The following LTBP1 variants were observed in gnomAD, a reference collection of about 807,000 sequenced individuals.
LTBP1 encodes the protein latent transforming growth factor beta binding protein 1, also known as latent-transforming growth factor beta-binding protein 1.
LTBP1 carries 129 observed loss-of-function variants against 207.6 expected under a neutral mutation model. The observed-to-expected ratio is 0.62, with a 90% CI of 0.54 to 0.72. The LOEUF (loss-of-function observed/expected upper bound fraction) is 0.72, where lower values mean the gene tolerates loss of function less well. LTBP1 is among the 30% of genes least tolerant of loss of function. LTBP1 has a pLI of 0.00. For synonymous variants in LTBP1, 963 were observed against 833.7 expected, an observed-to-expected ratio of 1.16 and a Z score of -2.67; for missense variants, 2,281 against 2,217.2, an observed-to-expected ratio of 1.03 and a Z score of -0.58.
Position 33,318,243 on chromosome 2 carries a change from G to A in LTBP1, c.3730+2974G>A, listed in dbSNP as rs560760282. Reference sequence around the variant, plus strand: ...TACTCTGGGATAGATAGCTGGGAGAGGAAGGAGAAACACCGTGGTTCTCCC... The same window carrying A: ...TACTCTGGGATAGATAGCTGGGAGAAGAAGGAGAAACACCGTGGTTCTCCC... On this transcript the variant is annotated intron_variant, in intron 24 of 33. Transcript: ENST00000404816. Among the ~76,000 whole-genome samples, 14 of 152,314 alleles carry A rather than the reference G, an allele frequency of 9.2e-5. No homozygotes were observed. The South Asian group carries it at 2.9e-3, about 32-fold the overall frequency.
chr2:32,999,121 T>C (rs1685722571), intron 2 of LTBP1, among the ~76,000 whole-genome samples: 1 of 152,200 alleles, frequency 6.6e-6, no homozygotes, highest in African/African-American at 2.4e-5. Context: ...AACCACTAGA[T>C]CCTTGTGATT....
At chr2:33,036,777 A>G (rs78193310) in intron 3 of LTBP1, among the ~76,000 whole-genome samples, 7 of 152,154 alleles carry the variant, frequency 4.6e-5, no homozygotes, top group African/African-American at 7.2e-5. Flanking sequence ...ACATTTTTCT[A>G]CAAGTCTTCT....
At chr2:33,187,949 G>C (rs74689864) in intron 6 of LTBP1, among the ~76,000 whole-genome samples, 7,174 of 152,172 alleles carry the variant, frequency 0.047, 561 homozygotes, top group East Asian at 0.36. Context: ...ATTAACATTT[G>C]ATAAAATTTA....
At chr2:33,252,494 C>G (rs887509628) in intron 10 of LTBP1, among the ~76,000 whole-genome samples, 183 bp from the exon 11 acceptor site, 2 of 152,304 alleles carry the variant, frequency 1.3e-5, no homozygotes, top group Middle Eastern at 3.4e-3. Context: ...TTTTGGTGCC[C>G]TGACTCTAAA....
intron 21 of LTBP1, 111 bp downstream of exon 21, chr2:33,300,684 A>C: frequency 2.7e-6 from 3 of 1,108,884 alleles, no homozygotes; most frequent in Non-Finnish European, 2.5e-6. Context: ...AGATAATTGC[A>C]TTATAGTGCC....
chr2:33,071,076 G>A (rs1436135021), intron 3 of LTBP1, among the ~76,000 whole-genome samples: 1 of 152,214 alleles, frequency 6.6e-6, no homozygotes, highest in Non-Finnish European at 1.5e-5. Flanking sequence ...GGTGGAGCTT[G>A]CAGAGTAAAG....
intron 24 of LTBP1, among the ~76,000 whole-genome samples, chr2:33,336,858 A>G (rs975365142): frequency 5.3e-5 from 8 of 152,252 alleles, no homozygotes; most frequent in African/African-American, 1.4e-4. Context: ...AAATCATTTT[A>G]CTAATGAAAT....
intron 18 of LTBP1, among the ~76,000 whole-genome samples, chr2:33,278,419 C>T (rs866833355): frequency 7.2e-5 from 11 of 152,142 alleles, no homozygotes; most frequent in Admixed American, 1.3e-4. Flanking sequence ...TAGAACCAAA[C>T]GTCCCCGGGC....
At chr2:33,081,553 T>C (rs376908649) in intron 3 of LTBP1, among the ~76,000 whole-genome samples, 69 of 152,236 alleles carry the variant, frequency 4.5e-4, no homozygotes, top group East Asian at 3.9e-3. Context: ...AATCTCGGGC[T>C]CTGTAATGTT....
intron 3 of LTBP1, among the ~76,000 whole-genome samples, chr2:33,089,603 A>T (rs992621057): frequency 7.9e-5 from 12 of 152,346 alleles, no homozygotes; most frequent in Middle Eastern, 3.4e-3. Context: ...AGTCACTCAT[A>T]AAGCTATATT....
At chr2:33,236,997 G>A (rs1452836796) in intron 9 of LTBP1, among the ~76,000 whole-genome samples, 1 of 152,178 alleles carries the variant, frequency 6.6e-6, no homozygotes, top group Non-Finnish European at 1.5e-5. Flanking sequence ...CCATCCTATG[G>A]TGGATGGTCA....
intron 7 of LTBP1, among the ~76,000 whole-genome samples, chr2:33,196,071 T>C (rs890083209): frequency 5.9e-5 from 9 of 152,232 alleles, no homozygotes; most frequent in Middle Eastern, 3.2e-3. Context: ...CAGTATAGTG[T>C]AAACATGACT....
chr2:33,346,337 A>C (rs1384844266), intron 25 of LTBP1, among the ~76,000 whole-genome samples: 1 of 152,188 alleles, frequency 6.6e-6, no homozygotes, highest in African/African-American at 2.4e-5. Flanking sequence ...TTTTAAGTGA[A>C]CTTAATTCTG....
intron 31 of LTBP1, among the ~76,000 whole-genome samples, chr2:33,378,634 C>A (rs908053118): frequency 1.3e-5 from 2 of 152,192 alleles, no homozygotes; most frequent in Non-Finnish European, 2.9e-5. Flanking sequence ...ATGAGTCTGA[C>A]TTTGAGAAAA....
chr2:33,338,750 T>G (rs961540183), intron 24 of LTBP1, among the ~76,000 whole-genome samples: 3 of 152,090 alleles, frequency 2.0e-5, no homozygotes, highest in Non-Finnish European at 4.4e-5. Context: ...GGCATGGAGA[T>G]TCCAGAGACG....
intron 24 of LTBP1, among the ~76,000 whole-genome samples, chr2:33,334,689 T>C (rs777159566): frequency 6.6e-6 from 1 of 152,148 alleles, no homozygotes; most frequent in Non-Finnish European, 1.5e-5. Context: ...ATACCTGTTG[T>C]CTACATAGTG....
At chr2:33,345,476 G>A (rs2094689743) in intron 25 of LTBP1, among the ~76,000 whole-genome samples, 1 of 152,202 alleles carries the variant, frequency 6.6e-6, no homozygotes, top group Non-Finnish European at 1.5e-5. Flanking sequence ...AATAATACAT[G>A]TTGGAAAGTA....
At chr2:33,057,086 TGATTGGTG>T (rs2077038190) in intron 3 of LTBP1, among the ~76,000 whole-genome samples, 1 of 152,120 alleles carries the variant, frequency 6.6e-6, no homozygotes, top group Non-Finnish European at 1.5e-5. Flanking sequence ...CACAGAGTGC[TGATTGGTG>T]CATTTACAAA....
At chr2:33,334,881 C>A (rs571201066) in intron 24 of LTBP1, among the ~76,000 whole-genome samples, 1 of 143,024 alleles carries the variant, frequency 7.0e-6, no homozygotes, top group Non-Finnish European at 1.5e-5. Context: ...TCAGCCTGGG[C>A]AACATAATGA....
Sources: allele counts gnomAD v4.1 joint callset (sites outside exome capture counted in the v4.1 genomes callset), GRCh38; gene constraint gnomAD v4.1.1; transcripts MANE v1.5; gene names NCBI Gene and HGNC (gene_info 2026-07-23, HGNC 2026-07-21).